Variants in ATP2B3 observed in about 807,000 individuals in gnomAD.
ATP2B3 encodes the protein ATPase plasma membrane Ca2+ transporting 3.
In ATP2B3, 12 loss-of-function variants were observed where a neutral mutation model predicts 70.8. That is an observed-to-expected ratio of 0.17 (90% confidence interval 0.11 to 0.27). ATP2B3 has a LOEUF of 0.27. Among genes scored for constraint, ATP2B3 ranks in the 10% least tolerant of loss-of-function variants. ATP2B3 has a pLI of 1.00. For missense variants in ATP2B3, 858 were observed against 1,118.5 expected, an observed-to-expected ratio of 0.77 and a Z score of 3.32; for synonymous variants, 460 against 497.8, an observed-to-expected ratio of 0.92 and a Z score of 1.01.
intron 21 of ATP2B3, among the ~76,000 whole-genome samples, chrX:153,573,294 C>G (rs1373730475): frequency 8.9e-6 from 1 of 112,571 alleles, no homozygotes; most frequent in South Asian, 3.7e-4. Context: ...CCTGGACACT[C>G]CTTTCCAGGG....
Position 153,559,827 on chromosome X carries a change from G to C in ATP2B3, c.2724G>C (p.Leu908=), listed in dbSNP as rs148372539. 14 of 1,212,054 alleles carry C rather than the reference G, an allele frequency of 1.2e-5. No homozygotes were observed. Among genetic ancestry groups the C allele is most frequent in the Non-Finnish European group, 1.5e-5 (13 of 895,591 alleles). Residue 908 remains leucine (L), a synonymous_variant, in exon 18 of 22, where the codon CTG becomes CTC. Coordinates refer to ENST00000263519, the MANE Select transcript of ATP2B3 (RefSeq NM_001001344.3). ...CGACGGAGCCACCCACAGAGTCGCT[G>C]CTGCTGCGGAAGCCGTACGGCCGCG... ...ALATEPPTES[L]LLRKPYGRDK...
intron 2 of ATP2B3, among the ~76,000 whole-genome samples, chrX:153,530,203 G>A (rs2090095078): frequency 8.9e-6 from 1 of 112,346 alleles, no homozygotes; most frequent in Non-Finnish European, 1.9e-5. Flanking sequence ...TCTGAAGGCA[G>A]GCAAATGTGT....
intron 21 of ATP2B3, among the ~76,000 whole-genome samples, chrX:153,565,540 C>T (rs1010383853): frequency 8.9e-6 from 1 of 112,435 alleles, no homozygotes; most frequent in Non-Finnish European, 1.9e-5. Flanking sequence ...ACTGTAAATG[C>T]GATGGGGAGA....
intron 21 of ATP2B3, among the ~76,000 whole-genome samples, chrX:153,578,730 G>A (rs2090887384): frequency 8.9e-6 from 1 of 112,545 alleles, no homozygotes; most frequent in South Asian, 3.6e-4. Context: ...GCAAACTCCT[G>A]TGGGGAGGGA....
rs782191863 is a variant in ATP2B3 at position 153,544,762 on chromosome X, G to A, written c.917-1326G>A. Among the ~76,000 whole-genome samples, 20 of 112,253 alleles carry A rather than the reference G, an allele frequency of 1.8e-4. No individual in the cohort carries two copies. In the South Asian group the frequency reaches 7.3e-3, roughly 41 times the overall value. ...GACTCCTATGCACCTTTCTCCAAGTGTGCTTCTCCTCCTCACCTTCCCCCC... is the reference window on the plus strand; with the variant it reads ...GACTCCTATGCACCTTTCTCCAAGTATGCTTCTCCTCCTCACCTTCCCCCC... On this transcript the variant is annotated intron_variant, in intron 7 of 21. Transcript: ENST00000263519.
In ATP2B3 at chrX:153,581,083, TG is replaced by T. The variant is rs1380074418; in HGVS notation, c.*786del. 3 of 22,563 alleles carry T rather than the reference TG, an allele frequency of 1.3e-4. No homozygotes were observed. Among genetic ancestry groups the T allele is most frequent in the African/African-American group, 4.1e-4 (3 of 7,349 alleles). 1.9% of individuals were successfully genotyped at this position (22,563 alleles called of 1,213,427 possible). A position where few individuals can be genotyped will look rare whatever the true frequency, so the allele number is the denominator to read the frequency against. On this transcript the variant is annotated 3_prime_UTR_variant, in exon 22 of 22. Transcript: ENST00000263519. ...TTATTGAATGTAGCAAGGTTGTAGT[TG>T]TTTTTTTTTTTTTTTCAGGGAACTA... is the stretch of plus-strand genomic sequence containing the variant.
At chrX:153,527,841 A>T (rs782771000) in intron 2 of ATP2B3, among the ~76,000 whole-genome samples, 1 of 112,391 alleles carries the variant, frequency 8.9e-6, no homozygotes, top group Non-Finnish European at 1.9e-5. Flanking sequence ...AAGCCTCGGG[A>T]GGGGAGCGTG....
rs1440419174 is a variant in ATP2B3, at chrX:153,522,261, G to A, written c.-127+3710G>A. ...TGGTTCACTGTGTGCCAGGCTCTGT[G>A]TTTGCTTCAGGGGAGACGACGGAAA... is the stretch of plus-strand genomic sequence containing the variant. On this transcript the variant is annotated intron_variant, in intron 2 of 21. Coordinates refer to ENST00000263519, the MANE Select transcript of ATP2B3 (RefSeq NM_001001344.3). Among the ~76,000 whole-genome samples the A allele has an allele frequency of 2.7e-5, 3 of 112,852 alleles. No individual in the cohort carries two copies. The East Asian group carries it at 8.3e-4, about 31-fold the overall frequency.
intron 3 of ATP2B3, among the ~76,000 whole-genome samples, chrX:153,539,018 G>A (rs1375986520): frequency 8.9e-6 from 1 of 112,729 alleles, no homozygotes; most frequent in Non-Finnish European, 1.9e-5. Flanking sequence ...CCAGGCTAAG[G>A]GCAGTGGAGA....
At chrX:153,567,451 GGGGT>G (rs2090724740) in intron 21 of ATP2B3, among the ~76,000 whole-genome samples, 1 of 112,907 alleles carries the variant, frequency 8.9e-6, no homozygotes. Context: ...CCTGGGGTGG[GGGGT>G]GAGGACAGCA....
intron 20 of ATP2B3, among the ~76,000 whole-genome samples, chrX:153,563,600 A>G (rs1557017113): frequency 9.1e-6 from 1 of 110,319 alleles, no homozygotes; most frequent in Non-Finnish European, 1.9e-5. Flanking sequence ...ACTGCACCTC[A>G]CCTCCGAATC....
intron 15 of ATP2B3, among the ~76,000 whole-genome samples, chrX:153,556,651 A>G (rs1444684565): frequency 8.9e-6 from 1 of 112,238 alleles, no homozygotes; most frequent in Non-Finnish European, 1.9e-5. Context: ...GTGGGTCTAG[A>G]GCCAGGGACC....
intron 21 of ATP2B3, among the ~76,000 whole-genome samples, chrX:153,567,299 A>G (rs1452363887): frequency 4.4e-5 from 5 of 113,533 alleles, no homozygotes; most frequent in Non-Finnish European, 9.4e-5. Flanking sequence ...TGTTAGAAGC[A>G]GCATTCACAT....
At chrX:153,568,709 C>T (rs1234608488) in intron 21 of ATP2B3, among the ~76,000 whole-genome samples, 1 of 112,223 alleles carries the variant, frequency 8.9e-6, no homozygotes, top group Non-Finnish European at 1.9e-5. Flanking sequence ...GGCGTACATC[C>T]TCATTTTGGC....
At position 153,582,800 on chromosome X, in the gene ATP2B3, T is replaced by C. The variant is rs1197594680; in HGVS notation, c.*2502T>C. 2 of 112,531 alleles carry C rather than the reference T, an allele frequency of 1.8e-5. No individual in the cohort carries two copies. Among genetic ancestry groups the C allele is most frequent in the Non-Finnish European group, 3.8e-5 (2 of 53,257 alleles). 9.3% of individuals were successfully genotyped at this position (112,531 alleles called of 1,213,427 possible). ...CATTTTTATCTGCCTGTTATAAAGATGAACAAAAAAACTTAATGAGAAAGA... is the reference window on the plus strand; with the variant it reads ...CATTTTTATCTGCCTGTTATAAAGACGAACAAAAAAACTTAATGAGAAAGA... On this transcript the variant is annotated 3_prime_UTR_variant, in exon 22 of 22. Coordinates refer to ENST00000263519, the MANE Select transcript of ATP2B3 (RefSeq NM_001001344.3).
chrX:153,560,070 G>T (rs782286068), intron 18 of ATP2B3, 128 bp downstream of exon 18: 1 of 708,656 alleles, frequency 1.4e-6, no homozygotes, highest in Non-Finnish European at 2.1e-6. Context: ...TGCACTTCCT[G>T]ACTGGACAGC....
intron 7 of ATP2B3, among the ~76,000 whole-genome samples, chrX:153,545,008 T>A (rs1195300612): frequency 1.8e-5 from 2 of 112,378 alleles, no homozygotes; most frequent in Non-Finnish European, 3.8e-5. Context: ...GGGTCTCCCC[T>A]CCCTGCAAGA....
At chrX:153,523,986 G>A (rs2089995640) in intron 2 of ATP2B3, among the ~76,000 whole-genome samples, 1 of 111,833 alleles carries the variant, frequency 8.9e-6, no homozygotes, top group Non-Finnish European at 1.9e-5. Flanking sequence ...GTTTATTGAA[G>A]TCTTAGTGTT....
chrX:153,574,915 G>A (rs907299178), intron 21 of ATP2B3: 4 of 324,644 alleles, frequency 1.2e-5, no homozygotes, highest in East Asian at 9.9e-5. Flanking sequence ...AGCGTCACCC[G>A]CCCTGTGTAA....
Sources: allele counts gnomAD v4.1 joint callset (sites outside exome capture counted in the v4.1 genomes callset), GRCh38; gene constraint gnomAD v4.1.1; transcripts MANE v1.5; gene names NCBI Gene and HGNC (gene_info 2026-07-23, HGNC 2026-07-21).